DPYD: variants seen among roughly 807,000 people sequenced by gnomAD.
DPYD encodes dihydropyrimidine dehydrogenase [NADP(+)].
A neutral mutation model predicts 116.2 loss-of-function variants in DPYD; 109 were observed. The observed-to-expected ratio is 0.94, with a 90% CI of 0.80 to 1.10. The LOEUF (loss-of-function observed/expected upper bound fraction) is 1.10, where lower values mean the gene tolerates loss of function less well. DPYD is among the 50% of genes least tolerant of loss of function. The probability of loss-of-function intolerance (pLI) is 0.00; values close to 1 mark genes in which losing one functional copy is unlikely to be tolerated. For synonymous variants in DPYD, 440 were observed against 432.0 expected (o/e 1.02, Z -0.23); for missense variants, 1,302 against 1,254.5 (o/e 1.04, Z -0.57).
chr1:97,209,347 T>A (rs1055246871), intron 19 of DPYD, among the ~76,000 whole-genome samples: 3 of 152,212 alleles, frequency 2.0e-5, no homozygotes, highest in African/African-American at 7.2e-5. Flanking sequence ...CTGCTTATAA[T>A]CAACATTACC....
At chr1:97,316,205 A>C (rs1281452926) in intron 16 of DPYD, among the ~76,000 whole-genome samples, 1 of 151,894 alleles carries the variant, frequency 6.6e-6, no homozygotes, top group Non-Finnish European at 1.5e-5. Flanking sequence ...AACATCACTG[A>C]GAGGCTGGGC....
At chr1:97,834,503 C>T (rs1669674076) in intron 2 of DPYD, among the ~76,000 whole-genome samples, 1 of 151,728 alleles carries the variant, frequency 6.6e-6, no homozygotes, top group Non-Finnish European at 1.5e-5. Flanking sequence ...CTGCAGGATA[C>T]TAAATTTTGA....
At chr1:97,157,128 G>A (rs1488528691) in intron 20 of DPYD, among the ~76,000 whole-genome samples, 1 of 114,570 alleles carries the variant, frequency 8.7e-6, no homozygotes, top group Non-Finnish European at 1.8e-5. Flanking sequence ...GGGGTGGGGG[G>A]AGGGGGGAGG....
intron 1 of DPYD, among the ~76,000 whole-genome samples, chr1:97,902,285 CA>C (rs1298985915): frequency 6.6e-6 from 1 of 151,692 alleles, no homozygotes; most frequent in Non-Finnish European, 1.5e-5. Context: ...CACACTCATA[CA>C]AAAATATCAC....
intron 12 of DPYD, chr1:97,546,137 G>A: frequency 7.1e-7 from 1 of 1,415,392 alleles, no homozygotes; most frequent in East Asian, 2.3e-5. Context: ...TTGAAAAGGA[G>A]CAGTCCTTCT....
chr1:97,816,207 G>A (rs1356499704), intron 3 of DPYD, among the ~76,000 whole-genome samples: 1 of 151,264 alleles, frequency 6.6e-6, no homozygotes, highest in Non-Finnish European at 1.5e-5. Flanking sequence ...CTGAGTAGCT[G>A]GGACTACAGG....
intron 12 of DPYD, among the ~76,000 whole-genome samples, chr1:97,543,824 T>A (rs138203415): frequency 7.9e-5 from 12 of 152,276 alleles, no homozygotes; most frequent in African/African-American, 2.4e-4. Flanking sequence ...TAAACATGGT[T>A]CCTAGCTTGT....
chr1:97,770,300 T>A (rs544544796), intron 3 of DPYD, among the ~76,000 whole-genome samples: 1 of 152,328 alleles, frequency 6.6e-6, no homozygotes, highest in East Asian at 1.9e-4. Flanking sequence ...TGACAGCACA[T>A]ACTGATTTTA....
At chr1:97,468,374 G>T (rs545356866) in intron 13 of DPYD, among the ~76,000 whole-genome samples, 1 of 152,162 alleles carries the variant, frequency 6.6e-6, no homozygotes, top group South Asian at 2.1e-4. Flanking sequence ...AGGTAATTAG[G>T]TCATGAGGGT....
chr1:97,631,241 T>C (rs1306549162), intron 8 of DPYD, among the ~76,000 whole-genome samples: 1 of 152,120 alleles, frequency 6.6e-6, no homozygotes, highest in Middle Eastern at 3.2e-3. Context: ...GAGTGATGGC[T>C]GCAAGGCATA....
chr1:97,810,433 A>T (rs1668300124), intron 3 of DPYD, among the ~76,000 whole-genome samples: 1 of 152,146 alleles, frequency 6.6e-6, no homozygotes, highest in Non-Finnish European at 1.5e-5. Flanking sequence ...TTAATTACAC[A>T]TTAAAGGGAG....
At chr1:97,415,530 C>T (rs1404661170) in intron 14 of DPYD, among the ~76,000 whole-genome samples, 1 of 152,094 alleles carries the variant, frequency 6.6e-6, no homozygotes, top group Non-Finnish European at 1.5e-5. Flanking sequence ...ACATGTTGGC[C>T]AGGTTGGTCT....
At chr1:97,397,303 C>T (rs553057991) in intron 14 of DPYD, among the ~76,000 whole-genome samples, 1 of 152,070 alleles carries the variant, frequency 6.6e-6, no homozygotes, top group African/African-American at 2.4e-5. Flanking sequence ...GCAGCTGTCA[C>T]ATATGTATGA....
chr1:97,535,056 A>C (rs1649895829), intron 12 of DPYD, among the ~76,000 whole-genome samples: 1 of 152,106 alleles, frequency 6.6e-6, no homozygotes, highest in African/African-American at 2.4e-5. Context: ...TAAGTGAGAA[A>C]ACCAAAAAGG....
At chr1:97,734,050 C>T (rs1002750564) in intron 4 of DPYD, among the ~76,000 whole-genome samples, 3 of 152,042 alleles carry the variant, frequency 2.0e-5, no homozygotes, top group Admixed American at 2.0e-4. Context: ...CTGAAACATG[C>T]ATGGCAAATA....
chr1:97,316,152 A>G (rs1218441259), intron 16 of DPYD, among the ~76,000 whole-genome samples: 1 of 151,556 alleles, frequency 6.6e-6, no homozygotes, highest in African/African-American at 2.4e-5. Flanking sequence ...ACTCATTCCA[A>G]TTCTTTGTCT....
At chr1:97,609,729 G>A (rs1265021706) in intron 8 of DPYD, among the ~76,000 whole-genome samples, 4 of 151,942 alleles carry the variant, frequency 2.6e-5, no homozygotes, top group Admixed American at 6.6e-5. Context: ...TTTATTGTTA[G>A]AGAGAGAAAA....
chr1:97,285,577 A>G (rs1167503283), intron 18 of DPYD, among the ~76,000 whole-genome samples: 1 of 152,046 alleles, frequency 6.6e-6, no homozygotes, highest in Admixed American at 6.5e-5. Context: ...GAATCCCATC[A>G]CTCAAAGTTT....
In DPYD at chr1:97,102,407, A is replaced by ATATGTATATATATATCTTG. The variant is rs1650770420; in HGVS notation, c.2623-3776_2623-3775insCAAGATATATATATACATA. 7.1e-5 allele frequency among the ~76,000 whole-genome samples: 10 copies of ATATGTATATATATATCTTG among 141,446 alleles called. No individual in the cohort carries two copies. In the Middle Eastern group the frequency reaches 0.011, roughly 155 times the overall value. 92.8% of individuals were successfully genotyped at this position (141,446 alleles called of 152,430 possible). A position where few individuals can be genotyped will look rare whatever the true frequency, so the allele number is the denominator to read the frequency against. On this transcript the variant is annotated intron_variant, in intron 20 of 22. Transcript: ENST00000370192. ...ATATCACTCAGTATCATATATATAT[A>ATATGTATATATATATCTTG]TATATATATATATGTATATATGTAT... is the stretch of plus-strand genomic sequence containing the variant.
Sources: allele counts gnomAD v4.1 joint callset (sites outside exome capture counted in the v4.1 genomes callset), GRCh38; gene constraint gnomAD v4.1.1; transcripts MANE v1.5; gene names NCBI Gene and HGNC (gene_info 2026-07-23, HGNC 2026-07-21).